Variants in DPYD observed in about 807,000 individuals in gnomAD.
DPYD encodes the protein dihydropyrimidine dehydrogenase, also known as dihydropyrimidine dehydrogenase [NADP(+)].
In DPYD, 109 loss-of-function variants were observed where a neutral mutation model predicts 116.2. That is an observed-to-expected ratio of 0.94 (90% CI 0.80 to 1.10). The LOEUF (loss-of-function observed/expected upper bound fraction) is 1.10. Among genes scored for constraint, DPYD ranks in the 50% least tolerant of loss-of-function variants. The probability of loss-of-function intolerance (pLI) is 0.00; values close to 1 mark genes in which losing one functional copy is unlikely to be tolerated. For missense variants in DPYD, 1,302 were observed against 1,254.5 expected (o/e 1.04, Z -0.57); for synonymous variants, 440 against 432.0 (o/e 1.02, Z -0.23).
intron 17 of DPYD, among the ~76,000 whole-genome samples, chr1:97,305,932 T>C (rs1558014809): frequency 1.3e-5 from 2 of 152,000 alleles, no homozygotes; most frequent in African/African-American, 2.4e-5. Flanking sequence ...ATGTGTGAAA[T>C]AAGTGTTTAT....
At chr1:97,491,002 T>C (rs2101903653) in intron 13 of DPYD, among the ~76,000 whole-genome samples, 1 of 150,610 alleles carries the variant, frequency 6.6e-6, no homozygotes, top group Admixed American at 6.6e-5. Context: ...AAATTCTGCA[T>C]ATACTTCTAA....
Position 97,699,347 on chromosome 1 carries a change from T to C in DPYD, c.680+4A>G. On this transcript the variant is annotated splice_donor_region_variant and intron_variant, in intron 6 of 22. Transcript: ENST00000370192. The stretch of plus-strand genomic sequence containing the variant: ...TATAAACATGAAATAAATGTAGGCA[T>C]TACCTTAAACCACCAACATATTCTT... 1 of 1,612,704 alleles carries C rather than the reference T, an allele frequency of 6.2e-7. No individual in the cohort carries two copies. The highest frequency in any genetic ancestry group is 1.3e-5 in the African/African-American group (1 of 74,994).
At chr1:97,445,679 T>C (rs1039485729) in intron 14 of DPYD, among the ~76,000 whole-genome samples, 31 of 152,036 alleles carry the variant, frequency 2.0e-4, no homozygotes, top group African/African-American at 6.8e-4. Context: ...CCACAGGTAG[T>C]AATATTTTCT....
At chr1:97,629,580 GC>G (rs1657129766) in intron 8 of DPYD, among the ~76,000 whole-genome samples, 1 of 151,756 alleles carries the variant, frequency 6.6e-6, no homozygotes, top group Admixed American at 6.6e-5. Flanking sequence ...TCAGAATACA[GC>G]CAACATAACT....
intron 16 of DPYD, among the ~76,000 whole-genome samples, chr1:97,348,899 T>C (rs902189676): frequency 6.6e-6 from 1 of 152,166 alleles, no homozygotes; most frequent in Non-Finnish European, 1.5e-5. Flanking sequence ...ATGGACACTA[T>C]TCTGCTTCAG....
chr1:97,478,192 A>G (rs954315399), intron 13 of DPYD, among the ~76,000 whole-genome samples: 2 of 152,236 alleles, frequency 1.3e-5, no homozygotes, highest in Non-Finnish European at 2.9e-5. Context: ...TAAAATGTTC[A>G]GTAAACCATG....
chr1:97,120,109 G>A (rs1368876567), intron 20 of DPYD, among the ~76,000 whole-genome samples: 3 of 152,078 alleles, frequency 2.0e-5, no homozygotes, highest in Admixed American at 6.6e-5. Flanking sequence ...CCACAAAGAC[G>A]GCTGCATATA....
At chr1:97,783,648 C>T (rs1273463986) in intron 3 of DPYD, among the ~76,000 whole-genome samples, 1 of 151,998 alleles carries the variant, frequency 6.6e-6, no homozygotes, top group Non-Finnish European at 1.5e-5. Flanking sequence ...GTCTTGGCCT[C>T]CCAAAGTGCT....
intron 8 of DPYD, among the ~76,000 whole-genome samples, chr1:97,627,710 C>G (rs1657012363): frequency 6.6e-6 from 1 of 152,044 alleles, no homozygotes; most frequent in Admixed American, 6.6e-5. Context: ...AACACCAACT[C>G]TCTTCTCTCC....
chr1:97,734,591 G>T (rs190126490), intron 4 of DPYD, among the ~76,000 whole-genome samples: 232 of 151,888 alleles, frequency 1.5e-3, no homozygotes, highest in African/African-American at 5.4e-3. Context: ...AATATCTACC[G>T]CACTTTTCCA....
At chr1:97,324,778 T>C (rs1377477774) in intron 16 of DPYD, among the ~76,000 whole-genome samples, 1 of 152,148 alleles carries the variant, frequency 6.6e-6, no homozygotes, top group East Asian at 1.9e-4. Flanking sequence ...CAGAAAGAAG[T>C]GATAAATATC....
intron 20 of DPYD, among the ~76,000 whole-genome samples, chr1:97,137,222 A>G (rs962322038): frequency 6.6e-5 from 10 of 152,214 alleles, no homozygotes; most frequent in Admixed American, 3.9e-4. Context: ...ACGGGCCTCA[A>G]TGATGCATGG....
At chr1:97,724,219 C>T (rs1663079591) in intron 4 of DPYD, among the ~76,000 whole-genome samples, 1 of 150,928 alleles carries the variant, frequency 6.6e-6, no homozygotes, top group Non-Finnish European at 1.5e-5. Context: ...CCTCCAATAT[C>T]AAGAAAAGAA....
intron 19 of DPYD, among the ~76,000 whole-genome samples, chr1:97,195,381 C>A (rs1009555661): frequency 6.6e-6 from 1 of 150,992 alleles, no homozygotes; most frequent in African/African-American, 2.4e-5. Context: ...ACTCTTAAAG[C>A]CTTTTGGGTC....
chr1:97,733,154 A>T (rs1358970826), intron 4 of DPYD, among the ~76,000 whole-genome samples: 1 of 152,112 alleles, frequency 6.6e-6, no homozygotes, highest in Non-Finnish European at 1.5e-5. Flanking sequence ...CTATTTTAGC[A>T]ATCTGGGAGG....
intron 5 of DPYD, chr1:97,720,559 C>T (rs1394600212): frequency 7.6e-6 from 8 of 1,050,372 alleles, no homozygotes; most frequent in Non-Finnish European, 6.9e-6. Context: ...TTAGAATTAA[C>T]CTGTCAGAAA....
intron 20 of DPYD, among the ~76,000 whole-genome samples, chr1:97,129,987 G>C (rs1427800666): frequency 6.6e-6 from 1 of 152,028 alleles, no homozygotes; most frequent in Admixed American, 6.6e-5. Context: ...AGCCTTTCCT[G>C]TTGATATTCT....
intron 4 of DPYD, among the ~76,000 whole-genome samples, chr1:97,728,898 T>C (rs1331169785): frequency 6.6e-6 from 1 of 151,982 alleles, no homozygotes; most frequent in Non-Finnish European, 1.5e-5. Flanking sequence ...AATGTAGATA[T>C]ATTGTGAACA....
At chr1:97,352,211 A>C (rs1204054316) in intron 16 of DPYD, among the ~76,000 whole-genome samples, 1 of 152,212 alleles carries the variant, frequency 6.6e-6, no homozygotes, top group Non-Finnish European at 1.5e-5. Flanking sequence ...AACAAGTGCC[A>C]ATGTGGCGTG....
Sources: allele counts gnomAD v4.1 joint callset (sites outside exome capture counted in the v4.1 genomes callset), GRCh38; gene constraint gnomAD v4.1.1; transcripts MANE v1.5; gene names NCBI Gene and HGNC (gene_info 2026-07-23, HGNC 2026-07-21).